MCTP1: variants seen among roughly 807,000 people sequenced by gnomAD.
MCTP1 encodes the protein multiple C2 and transmembrane domain containing 1, also known as multiple C2 and transmembrane domain-containing protein 1.
Under a neutral mutation model 120.6 loss-of-function variants are expected in MCTP1, and 69 were observed. The observed-to-expected ratio is 0.57, with a 90% CI of 0.47 to 0.70. MCTP1 has a LOEUF of 0.70. Ranked by LOEUF, MCTP1 falls within the 30% of genes least tolerant of loss-of-function variation. The pLI is 0.00. For missense variants in MCTP1, 1,203 were observed against 1,248.8 expected (o/e 0.96, Z 0.55); for synonymous variants, 529 against 493.1 (o/e 1.07, Z -0.96).
At chr5:95,172,643 C>T (rs1192678130) in intron 1 of MCTP1, among the ~76,000 whole-genome samples, 2 of 152,114 alleles carry the variant, frequency 1.3e-5, no homozygotes, top group Non-Finnish European at 2.9e-5. Flanking sequence ...CACTGCAGAG[C>T]TCTACCAAGA....
At chr5:94,711,229 T>A (rs1756868538) in intron 20 of MCTP1, among the ~76,000 whole-genome samples, 1 of 152,120 alleles carries the variant, frequency 6.6e-6, no homozygotes, top group Admixed American at 6.6e-5. Context: ...TTTTTCTTCT[T>A]TATTTTTCTA....
intron 1 of MCTP1, among the ~76,000 whole-genome samples, chr5:95,247,185 G>A (rs1320242280): frequency 6.6e-6 from 1 of 152,158 alleles, no homozygotes; most frequent in Non-Finnish European, 1.5e-5. Context: ...GCATAGAGGT[G>A]TTTATAGTAT....
At chr5:95,067,014 CCATT>C (rs1750825829) in intron 1 of MCTP1, among the ~76,000 whole-genome samples, 1 of 152,062 alleles carries the variant, frequency 6.6e-6, no homozygotes, top group Non-Finnish European at 1.5e-5. Context: ...CTCTCACTGA[CCATT>C]CACCTCTTGC....
At position 95,284,765 on chromosome 5, in the gene MCTP1, C is replaced by A. The variant is rs1335013481; in HGVS notation, c.-190G>T. ...CAGCTCGGGGGAAAGAAGCGGCCGC[C>A]GCCGCCGAGGCTCTCTGGCCTCGGG... On this transcript the variant is annotated 5_prime_UTR_variant, in exon 1 of 23. Coordinates refer to ENST00000515393, the MANE Select transcript of MCTP1 (RefSeq NM_024717.7). This position sits in a 1 kb window ranked among gnomAD's most constrained non-coding sequence, Gnocchi z 5.2. 6.6e-6 allele frequency among the ~76,000 whole-genome samples: 1 copy of A among 152,036 alleles called. No homozygotes were observed. The highest frequency in any genetic ancestry group is 1.5e-5 in the Non-Finnish European group (1 of 67,976).
At chr5:94,733,623 T>TA (rs1414414241) in intron 19 of MCTP1, among the ~76,000 whole-genome samples, 1 of 151,210 alleles carries the variant, frequency 6.6e-6, no homozygotes, top group African/African-American at 2.4e-5. Flanking sequence ...GATATGTCTG[T>TA]AGTCACCAAC....
At chr5:94,737,907 G>C (rs1449442582) in intron 19 of MCTP1, among the ~76,000 whole-genome samples, 1 of 152,160 alleles carries the variant, frequency 6.6e-6, no homozygotes, top group Non-Finnish European at 1.5e-5. Flanking sequence ...TCAAACTCCT[G>C]AGCTCAGGCG....
At chr5:94,730,361 G>A (rs1285902559) in intron 19 of MCTP1, among the ~76,000 whole-genome samples, 1 of 152,170 alleles carries the variant, frequency 6.6e-6, no homozygotes, top group African/African-American at 2.4e-5. Flanking sequence ...GTCTTGCCAT[G>A]TTGCCCAGGC....
intron 3 of MCTP1, among the ~76,000 whole-genome samples, chr5:94,947,255 G>A: frequency 6.6e-6 from 1 of 151,858 alleles, no homozygotes. Flanking sequence ...CCCCAGTATT[G>A]GGGAAATGGA....
intron 1 of MCTP1, among the ~76,000 whole-genome samples, chr5:95,214,877 AG>A (rs1373042829): frequency 1.8e-5 from 1 of 54,562 alleles, no homozygotes; most frequent in African/African-American, 7.3e-5. Flanking sequence ...GGGTGGGGGG[AG>A]GGGGGAGGGA....
At chr5:95,212,062 A>G (rs532467274) in intron 1 of MCTP1, among the ~76,000 whole-genome samples, 1 of 152,194 alleles carries the variant, frequency 6.6e-6, no homozygotes, top group Non-Finnish European at 1.5e-5. Flanking sequence ...CCTTCAAAAA[A>G]TTAATGAATC....
chr5:95,140,879 CAAAAAAAAAA>C (rs33910299), intron 1 of MCTP1, among the ~76,000 whole-genome samples: 6 of 45,338 alleles, frequency 1.3e-4, no homozygotes, highest in African/African-American at 2.5e-4. Context: ...GACTCCGTCT[CAAAAAAAAAA>C]AAAAAAAAAA....
chr5:94,881,045 G>A (rs1431612694), intron 12 of MCTP1, among the ~76,000 whole-genome samples: 2 of 152,104 alleles, frequency 1.3e-5, no homozygotes, highest in Non-Finnish European at 1.5e-5. Context: ...ATCTATAGAG[G>A]ATATTAAGCC....
At chr5:95,079,000 G>T (rs1237580898) in intron 1 of MCTP1, among the ~76,000 whole-genome samples, 1 of 152,122 alleles carries the variant, frequency 6.6e-6, no homozygotes, top group Non-Finnish European at 1.5e-5. Flanking sequence ...TTATATTTCA[G>T]TATGCTGTAA....
At chr5:94,870,560 T>A (rs911361983) in intron 15 of MCTP1, 69 bp from the exon 16 acceptor site, 2 of 1,142,976 alleles carry the variant, frequency 1.7e-6, no homozygotes, top group Admixed American at 3.6e-5. Context: ...TTCACGCAGT[T>A]CAATTTGCAA....
At chr5:94,877,716 G>T (rs548708197) in intron 12 of MCTP1, 3 of 152,054 alleles carry the variant, frequency 2.0e-5, no homozygotes, top group Admixed American at 1.3e-4. Context: ...AGTCTGTACC[G>T]CCCCTGCTCA....
chr5:94,733,044 T>G (rs558858481), intron 19 of MCTP1, among the ~76,000 whole-genome samples: 132 of 152,364 alleles, frequency 8.7e-4, no homozygotes, highest in African/African-American at 3.0e-3. Flanking sequence ...TTTTATCTAT[T>G]CCAAATATGG....
At chr5:94,776,732 G>A (rs1775422326) in intron 19 of MCTP1, among the ~76,000 whole-genome samples, 1 of 152,118 alleles carries the variant, frequency 6.6e-6, no homozygotes, top group South Asian at 2.1e-4. Context: ...GTTTTCTCAT[G>A]AAATTCCATT....
chr5:95,088,223 G>A (rs1325420024), intron 1 of MCTP1, among the ~76,000 whole-genome samples: 1 of 152,170 alleles, frequency 6.6e-6, no homozygotes, highest in African/African-American at 2.4e-5. Flanking sequence ...CTAACACAAG[G>A]CCAACCTGCA....
intron 1 of MCTP1, among the ~76,000 whole-genome samples, chr5:95,056,119 A>C (rs1747329749): frequency 6.6e-6 from 1 of 152,228 alleles, no homozygotes; most frequent in South Asian, 2.1e-4. Context: ...CAAATTATAC[A>C]TGACTTGGAA....
Sources: gnomAD v4.1 joint callset for allele counts (sites outside exome capture counted in the v4.1 genomes callset) on GRCh38, gnomAD v4.1.1 for gene constraint, Gnocchi (gnomAD v3.1) non-coding constraint, MANE v1.5 for transcripts, NCBI Gene and HGNC (gene_info 2026-07-23, HGNC 2026-07-21) for gene names.